FSTL4: variants seen among roughly 807,000 people sequenced by gnomAD.
FSTL4 encodes follistatin-related protein 4.
A neutral mutation model predicts 78.2 loss-of-function variants in FSTL4; 28 were observed. The observed-to-expected ratio is 0.36, with a 90% CI of 0.27 to 0.49. FSTL4 has a LOEUF of 0.49. Ranked by LOEUF, FSTL4 falls within the 20% of genes least tolerant of loss-of-function variation. FSTL4 has a pLI of 0.98. For missense variants in FSTL4, 922 were observed against 1,084.9 expected (o/e 0.85, Z 2.11); for synonymous variants, 422 against 440.5 (o/e 0.96, Z 0.53).
At chr5:133,680,637 C>T in the FSTL4 span, among the ~76,000 whole-genome samples, 2 of 152,204 alleles carry the variant, frequency 1.3e-5, no homozygotes, top group African/African-American at 4.8e-5. Context: ...GTCCTCAATA[C>T]ACACCTGCCA....
At chr5:133,731,770 G>A in the FSTL4 span, among the ~76,000 whole-genome samples, 1 of 152,214 alleles carries the variant, frequency 6.6e-6, no homozygotes. Flanking sequence ...GGTGCAAGGA[G>A]CTGCTGACCG....
At chr5:133,582,227 T>A (rs1760429143) in intron 2 of FSTL4, among the ~76,000 whole-genome samples, 1 of 151,994 alleles carries the variant, frequency 6.6e-6, no homozygotes, top group Admixed American at 6.6e-5. Context: ...CCTGGTGACA[T>A]GGAGAATGGG....
chr5:133,619,209 T>C, the FSTL4 span, among the ~76,000 whole-genome samples: 1 of 152,032 alleles, frequency 6.6e-6, no homozygotes, highest in African/African-American at 2.4e-5. Context: ...TCATTAAGTA[T>C]AAGACACCCC....
At chr5:133,532,548 A>G (rs989389875) in intron 3 of FSTL4, among the ~76,000 whole-genome samples, 29 of 152,204 alleles carry the variant, frequency 1.9e-4, no homozygotes, top group African/African-American at 6.3e-4. Flanking sequence ...AGAGCTCCCA[A>G]GGAAGACCCT....
At chr5:133,564,221 A>G (rs1315395054) in intron 3 of FSTL4, among the ~76,000 whole-genome samples, 1 of 152,062 alleles carries the variant, frequency 6.6e-6, no homozygotes, top group Non-Finnish European at 1.5e-5. Flanking sequence ...CTTCATCTTT[A>G]TATCTGCCAA....
chr5:133,458,590 G>A (rs1011029478), intron 3 of FSTL4, among the ~76,000 whole-genome samples: 7 of 152,206 alleles, frequency 4.6e-5, no homozygotes, highest in Admixed American at 2.0e-4. Flanking sequence ...TGGAATCCCC[G>A]TCCTTCTGCA....
intron 3 of FSTL4, among the ~76,000 whole-genome samples, chr5:133,419,099 A>G (rs1032944772): frequency 6.6e-6 from 1 of 152,140 alleles, no homozygotes; most frequent in African/African-American, 2.4e-5. Context: ...AAAGTTTGCC[A>G]TGTGTCAATA....
chr5:133,405,532 G>T (rs1191802423), intron 3 of FSTL4, among the ~76,000 whole-genome samples: 5 of 152,192 alleles, frequency 3.3e-5, no homozygotes, highest in Admixed American at 6.5e-5. Flanking sequence ...CCTCGCCTGG[G>T]GTCATGGTTG....
the FSTL4 span, among the ~76,000 whole-genome samples, chr5:133,708,898 A>G: frequency 6.6e-6 from 1 of 152,192 alleles, no homozygotes; most frequent in Non-Finnish European, 1.5e-5. Context: ...CTCCTCCACC[A>G]GAAAACCAAT....
chr5:133,642,767 A>G, the FSTL4 span, among the ~76,000 whole-genome samples: 10,454 of 152,278 alleles, frequency 0.069, 487 homozygotes, highest in South Asian at 0.11. Context: ...AGCTTAGAAA[A>G]ATAATAAGAA....
chr5:133,626,689 A>C, the FSTL4 span, among the ~76,000 whole-genome samples: 1 of 151,982 alleles, frequency 6.6e-6, no homozygotes, highest in Non-Finnish European at 1.5e-5. Context: ...ATTGTTTGGA[A>C]ATTTTCCTGT....
intron 3 of FSTL4, among the ~76,000 whole-genome samples, chr5:133,474,316 C>G (rs1580732169): frequency 1.4e-5 from 2 of 139,672 alleles, no homozygotes; most frequent in Middle Eastern, 7.1e-3. Context: ...AAACGGGAGA[C>G]AGGGCCAGGC....
the FSTL4 span, among the ~76,000 whole-genome samples, chr5:133,739,372 C>G: frequency 2.0e-5 from 3 of 151,400 alleles, no homozygotes; most frequent in Non-Finnish European, 4.4e-5. Flanking sequence ...GGAGGCACCA[C>G]GTAGGGAGTC....
chr5:133,224,322 G>A (rs1465998746), intron 10 of FSTL4, 106 bp from the exon 11 acceptor site: 3 of 803,030 alleles, frequency 3.7e-6, no homozygotes, highest in Non-Finnish European at 6.4e-6. Context: ...GAAGATCCTG[G>A]TACCTAGTCC....
At chr5:133,369,204 A>G (rs1332974121) in intron 4 of FSTL4, among the ~76,000 whole-genome samples, 1 of 152,232 alleles carries the variant, frequency 6.6e-6, no homozygotes, top group Non-Finnish European at 1.5e-5. Context: ...TGTATCTTCC[A>G]AAGTTTAATG....
intron 3 of FSTL4, among the ~76,000 whole-genome samples, chr5:133,436,691 A>G (rs1446294252): frequency 6.6e-6 from 1 of 152,142 alleles, no homozygotes; most frequent in Non-Finnish European, 1.5e-5. Context: ...TAGTATTTAC[A>G]CTACGGAAAT....
intron 8 of FSTL4, among the ~76,000 whole-genome samples, chr5:133,226,774 G>T (rs1001752231): frequency 6.6e-6 from 1 of 152,194 alleles, no homozygotes; most frequent in African/African-American, 2.4e-5. Context: ...ACTCCCTGTT[G>T]TTCAGTTAAA....
chr5:133,225,645 G>A lies in FSTL4; in HGVS notation c.1177+13C>T, dbSNP rs1201897299. ...GGAATATCGCATAGACGTCTACCAA[G>A]GGCAGTTCTTACCTAAAAGGGAGAG... On this transcript the variant is annotated intron_variant, in intron 9 of 15. Coordinates refer to ENST00000265342, the MANE Select transcript of FSTL4 (RefSeq NM_015082.2). This position sits in a 1 kb window ranked among gnomAD's most constrained non-coding sequence, Gnocchi z 4.6. 1.3e-6 allele frequency: 2 copies of A among 1,565,560 alleles called. No homozygotes were observed. The highest frequency in any genetic ancestry group is 1.7e-6 in the Non-Finnish European group (2 of 1,155,834).
chr5:133,391,038 A>C (rs1032773203), intron 4 of FSTL4, among the ~76,000 whole-genome samples: 8 of 152,212 alleles, frequency 5.3e-5, no homozygotes, highest in Non-Finnish European at 8.8e-5. Context: ...AAGGGATCCC[A>C]TATCTAGAAA....
Sources: allele counts gnomAD v4.1 joint callset (sites outside exome capture counted in the v4.1 genomes callset), GRCh38; gene constraint gnomAD v4.1.1; non-coding constraint Gnocchi (gnomAD v3.1); transcripts MANE v1.5; gene names NCBI Gene and HGNC (gene_info 2026-07-23, HGNC 2026-07-21).